Variants in DIS3L2 observed in about 807,000 individuals in gnomAD.
DIS3L2 encodes DIS3-like exonuclease 2.
Under a neutral mutation model 97.5 loss-of-function variants are expected in DIS3L2, and 34 were observed. That is an observed-to-expected ratio of 0.35 (90% CI 0.27 to 0.46). The LOEUF is 0.46. Ranked by LOEUF, DIS3L2 falls within the 20% of genes least tolerant of loss-of-function variation. The pLI, the probability that DIS3L2 is intolerant of heterozygous loss-of-function variation, is 1.00. For synonymous variants in DIS3L2, 435 were observed against 445.2 expected (o/e 0.98, Z 0.29); for missense variants, 1,038 against 1,146.0 (o/e 0.91, Z 1.36).
chr2:232,156,494 GT>G lies in DIS3L2; in HGVS notation c.951-6955del, dbSNP rs891130713. ...CTCCTTTTTTTCCTTTTAAATGTGG[GT>G]TTTTTTTTTAATAGAATGTTTGGAT... On this transcript the variant is annotated intron_variant, in intron 8 of 20. Coordinates refer to ENST00000325385, the MANE Select transcript of DIS3L2 (RefSeq NM_152383.5). Among the ~76,000 whole-genome samples, 19 of 146,034 alleles carry G rather than the reference GT, an allele frequency of 1.3e-4. No individual in the cohort carries two copies. In the East Asian group the frequency reaches 2.0e-3, roughly 15 times the overall value.
At chr2:232,038,513 G>A (rs1695016120) in intron 5 of DIS3L2, among the ~76,000 whole-genome samples, 1 of 152,158 alleles carries the variant, frequency 6.6e-6, no homozygotes, top group Non-Finnish European at 1.5e-5. Flanking sequence ...GCTTAAAAGA[G>A]CAAGGCCAAG....
At chr2:231,966,140 T>C (rs1016535454) in intron 1 of DIS3L2, among the ~76,000 whole-genome samples, 5 of 150,896 alleles carry the variant, frequency 3.3e-5, no homozygotes, top group African/African-American at 1.2e-4. Context: ...TGTCAGGGAG[T>C]GGAGACTTGA....
At chr2:232,301,835 CTTTTTTT>C (rs557282669) in intron 14 of DIS3L2, among the ~76,000 whole-genome samples, 11 of 105,486 alleles carry the variant, frequency 1.0e-4, no homozygotes, top group East Asian at 3.4e-4. Flanking sequence ...TAGCCTAGCT[CTTTTTTT>C]TTTTTTTTTT....
Position 232,143,204 on chromosome 2 carries a change from G to A in DIS3L2, c.950+6485G>A, listed in dbSNP as rs116263989. On this transcript the variant is annotated intron_variant, in intron 8 of 20. Coordinates refer to ENST00000325385, the MANE Select transcript of DIS3L2 (RefSeq NM_152383.5). Reference sequence around the variant, plus strand: ...TGTAGCTGGTCCCTTTCCTCAGTACGTTTTTAATAGGCATATCACCCAGGA... The same window carrying A: ...TGTAGCTGGTCCCTTTCCTCAGTACATTTTTAATAGGCATATCACCCAGGA... 4.2e-3 allele frequency among the ~76,000 whole-genome samples: 632 copies of A among 152,156 alleles called. 2 individuals are homozygous for A. The highest frequency in any genetic ancestry group is 5.0e-3 in the Non-Finnish European group (340 of 67,986).
intron 6 of DIS3L2, among the ~76,000 whole-genome samples, chr2:232,096,393 G>T (rs1252659764): frequency 1.3e-5 from 2 of 152,122 alleles, no homozygotes; most frequent in Non-Finnish European, 2.9e-5. Context: ...GCGCCTTGGG[G>T]TAGTTTTCTT....
intron 1 of DIS3L2, among the ~76,000 whole-genome samples, chr2:231,984,627 T>G (rs1293900699): frequency 6.6e-6 from 1 of 151,868 alleles, no homozygotes; most frequent in Non-Finnish European, 1.5e-5. Context: ...TCTCCTGACC[T>G]CGTGATCCGC....
chr2:232,233,415 G>A (rs1022362377), intron 10 of DIS3L2, among the ~76,000 whole-genome samples: 1 of 152,182 alleles, frequency 6.6e-6, no homozygotes, highest in Non-Finnish European at 1.5e-5. Flanking sequence ...TATTTGTGAG[G>A]GATCTACCTC....
At chr2:232,299,584 A>G (rs1694805848) in intron 13 of DIS3L2, among the ~76,000 whole-genome samples, 1 of 151,946 alleles carries the variant, frequency 6.6e-6, no homozygotes, top group Non-Finnish European at 1.5e-5. Context: ...TACCCATTCT[A>G]TCCAGGTCAG....
chr2:232,284,669 A>G (rs924018805), intron 13 of DIS3L2, among the ~76,000 whole-genome samples: 1 of 152,114 alleles, frequency 6.6e-6, no homozygotes, highest in Non-Finnish European at 1.5e-5. Flanking sequence ...TTGCCCCGGG[A>G]GAGCTAAAGG....
intron 5 of DIS3L2, among the ~76,000 whole-genome samples, chr2:232,064,733 A>G (rs1248689999): frequency 1.3e-5 from 2 of 152,168 alleles, no homozygotes; most frequent in South Asian, 4.1e-4. Context: ...TGGTGGATGT[A>G]TAGTGTTATC....
chr2:232,127,986 C>T lies in DIS3L2; in HGVS notation c.602-2633C>T, dbSNP rs190616002. ...TTTTTTTTGAGACAGGGGCTCACTG[C>T]GTCGCCAAGGCTGGAGTGCGGTGGC... On this transcript the variant is annotated intron_variant, in intron 6 of 20. Transcript: ENST00000325385. 1.3e-4 allele frequency among the ~76,000 whole-genome samples: 20 copies of T among 152,194 alleles called. 1 individual carries two copies. Among genetic ancestry groups the T allele is most frequent in the East Asian group, 3.9e-4 (2 of 5,178 alleles).
rs1347158440 is a variant in DIS3L2, at chr2:231,994,331, T to C, written c.-93-20504T>C. On this transcript the variant is annotated intron_variant, in intron 1 of 20. Coordinates refer to ENST00000325385, the MANE Select transcript of DIS3L2 (RefSeq NM_152383.5). ...TAGTATGATTCCTCCAACTTTATTT[T>C]TTTTGGTCGTTCATTATTTTAGTTA... Among the ~76,000 whole-genome samples, 4 of 152,182 alleles carry C rather than the reference T, an allele frequency of 2.6e-5. No individual in the cohort carries two copies. In the East Asian group the frequency reaches 7.7e-4, roughly 29 times the overall value.
chr2:232,123,692 T>A (rs1265222252), intron 6 of DIS3L2, among the ~76,000 whole-genome samples: 1 of 151,928 alleles, frequency 6.6e-6, no homozygotes, highest in Non-Finnish European at 1.5e-5. Context: ...TATTTGGATT[T>A]AAAAAAAATC....
At chr2:232,299,168 A>G (rs983840078) in intron 13 of DIS3L2, among the ~76,000 whole-genome samples, 18 of 152,168 alleles carry the variant, frequency 1.2e-4, no homozygotes, top group Non-Finnish European at 2.6e-4. Context: ...TTCGACTTCT[A>G]AAATGTACCT....
chr2:232,028,746 T>C (rs1490258605), intron 4 of DIS3L2, among the ~76,000 whole-genome samples: 1 of 152,188 alleles, frequency 6.6e-6, no homozygotes, highest in Non-Finnish European at 1.5e-5. Flanking sequence ...GTTCTCTCTC[T>C]GTTTACTGGC....
At chr2:232,003,234 T>C (rs1693957054) in intron 1 of DIS3L2, among the ~76,000 whole-genome samples, 1 of 152,220 alleles carries the variant, frequency 6.6e-6, no homozygotes, top group Non-Finnish European at 1.5e-5. Flanking sequence ...CTGGGGTCTC[T>C]TTTTTCTCTG....
chr2:232,270,386 G>A (rs1373809632), intron 13 of DIS3L2, among the ~76,000 whole-genome samples: 1 of 152,106 alleles, frequency 6.6e-6, no homozygotes, highest in East Asian at 1.9e-4. Context: ...AGGGTGTCTA[G>A]CATAACATAT....
At chr2:232,216,622 A>G (rs1387118610) in intron 10 of DIS3L2, among the ~76,000 whole-genome samples, 1 of 151,992 alleles carries the variant, frequency 6.6e-6, no homozygotes, top group African/African-American at 2.4e-5. Flanking sequence ...TTGCTAACTA[A>G]CATAGGTCAA....
intron 13 of DIS3L2, among the ~76,000 whole-genome samples, chr2:232,290,330 G>C (rs1162392284): frequency 6.6e-6 from 1 of 152,200 alleles, no homozygotes; most frequent in Non-Finnish European, 1.5e-5. Context: ...GGTCCTGATC[G>C]GGAAGCTGCT....
Sources: allele counts gnomAD v4.1 joint callset (sites outside exome capture counted in the v4.1 genomes callset), GRCh38; gene constraint gnomAD v4.1.1; transcripts MANE v1.5; gene names NCBI Gene and HGNC (gene_info 2026-07-23, HGNC 2026-07-21).